ESD: variants seen among roughly 807,000 people sequenced by gnomAD.
The protein encoded by ESD is S-formylglutathione hydrolase.
In ESD, 34 loss-of-function variants were observed where a neutral mutation model predicts 38.1. That is an observed-to-expected ratio of 0.89 (90% CI 0.68 to 1.19). ESD has a LOEUF of 1.19. Among genes scored for constraint, ESD ranks in the 50% most tolerant of loss-of-function variants. The pLI is 0.00. For missense variants in ESD, 334 were observed against 327.2 expected (o/e 1.02, Z -0.16); for synonymous variants, 97 against 107.0 (o/e 0.91, Z 0.58).
intron 2 of ESD, 103 bp from the exon 3 acceptor site, chr13:46,791,523 T>C: frequency 1.2e-6 from 1 of 805,496 alleles, no homozygotes; most frequent in Non-Finnish European, 2.0e-6. Context: ...CATACAACTA[T>C]TTTCTACTTA....
At chr13:46,781,253 T>G (rs1016044105) in intron 7 of ESD, among the ~76,000 whole-genome samples, 29 of 151,848 alleles carry the variant, frequency 1.9e-4, no homozygotes, top group African/African-American at 7.0e-4. Flanking sequence ...AAGGAGAAGC[T>G]ACATTTTATA....
intron 3 of ESD, among the ~76,000 whole-genome samples, chr13:46,787,798 T>C (rs1192464176): frequency 6.6e-6 from 1 of 151,900 alleles, no homozygotes; most frequent in Admixed American, 6.6e-5. Context: ...AAAAACTAAA[T>C]ATATATAAAA....
intron 3 of ESD, among the ~76,000 whole-genome samples, chr13:46,788,673 C>CAAAAAAAAAAAA (rs10599927): frequency 2.4e-5 from 2 of 82,404 alleles, no homozygotes; most frequent in African/African-American, 3.4e-5. Context: ...TATGTAAAAG[C>CAAAAAAAAAAAA]AAAAAAAAAA....
Position 46,789,702 on chromosome 13 carries a change from T to C in ESD, c.68+1644A>G, listed in dbSNP as rs565001970. ...TCTAATTTTGTTGTCCTTTCTGATT[T>C]ATCACTTTTATCTTATTTTACTTTC... is the stretch of plus-strand genomic sequence containing the variant. On this transcript the variant is annotated intron_variant, in intron 3 of 9. Transcript: ENST00000378720. Among the ~76,000 whole-genome samples, 4 of 152,280 alleles carry C rather than the reference T, an allele frequency of 2.6e-5. No homozygotes were observed. In the East Asian group the frequency reaches 5.8e-4, roughly 22 times the overall value.
intron 7 of ESD, among the ~76,000 whole-genome samples, chr13:46,780,501 A>C (rs747429072): frequency 7.3e-5 from 11 of 151,672 alleles, no homozygotes; most frequent in Non-Finnish European, 1.5e-4. Context: ...GTTCTATACA[A>C]TGTTCTTTTT....
At chr13:46,783,374 C>T (rs1185770564) in intron 5 of ESD, among the ~76,000 whole-genome samples, 1 of 151,874 alleles carries the variant, frequency 6.6e-6, no homozygotes, top group Non-Finnish European at 1.5e-5. Flanking sequence ...ATTTTATATA[C>T]TTGCATGTGG....
chr13:46,772,913 T>C (rs1467211756), intron 9 of ESD, among the ~76,000 whole-genome samples: 1 of 152,160 alleles, frequency 6.6e-6, no homozygotes, highest in Non-Finnish European at 1.5e-5. Flanking sequence ...CTCGATCTCC[T>C]GACCTTGTGA....
intron 9 of ESD, chr13:46,777,175 T>C (rs991820684): frequency 2.8e-5 from 6 of 217,088 alleles, no homozygotes; most frequent in Non-Finnish European, 5.5e-5. Flanking sequence ...TATCTGCTAA[T>C]GCTGAAGATT....
chr13:46,778,636 C>A (rs1874888734), intron 8 of ESD, among the ~76,000 whole-genome samples: 1 of 151,890 alleles, frequency 6.6e-6, no homozygotes, highest in South Asian at 2.1e-4. Context: ...AGACCATAAG[C>A]CCCTGGTGGA....
intron 9 of ESD, among the ~76,000 whole-genome samples, chr13:46,774,640 G>A (rs977527317): frequency 1.3e-5 from 2 of 152,098 alleles, no homozygotes; most frequent in Non-Finnish European, 2.9e-5. Context: ...TCTTCACTCA[G>A]CTCTCAAAAA....
chr13:46,781,713 T>C (rs1450301073), intron 6 of ESD, 98 bp from the exon 7 acceptor site: 2 of 1,110,530 alleles, frequency 1.8e-6, no homozygotes, highest in Non-Finnish European at 2.7e-6. Context: ...TACTGCCAAA[T>C]CATAGTCTTA....
rs996276593 is a variant in ESD at position 46,777,458 on chromosome 13, CTTG to C, written c.763_765del (p.Gln255del). 3 of 1,602,168 alleles carry C rather than the reference CTTG, an allele frequency of 1.9e-6. No homozygotes were observed. The highest frequency in any genetic ancestry group is 2.6e-6 in the Non-Finnish European group (3 of 1,172,744). On this transcript the variant is annotated inframe_deletion, in exon 9 of 10. Coordinates refer to ENST00000378720, the MANE Select transcript of ESD (RefSeq NM_001984.2). The stretch of plus-strand genomic sequence containing the variant: ...AGCTAAAGTTTCCTAATACTTGCCT[CTTG>C]CAATCGAAAAACAACGGGGATTTTC...
At chr13:46,792,305 T>C (rs1230670616) in intron 2 of ESD, among the ~76,000 whole-genome samples, 2 of 152,016 alleles carry the variant, frequency 1.3e-5, no homozygotes, top group Non-Finnish European at 2.9e-5. Flanking sequence ...GCTTTAGATA[T>C]CAGGAACAGG....
At chr13:46,772,714 G>C (rs182299195) in intron 9 of ESD, among the ~76,000 whole-genome samples, 5 of 150,760 alleles carry the variant, frequency 3.3e-5, no homozygotes, top group African/African-American at 9.8e-5. Context: ...TTTTTGAGAC[G>C]GAGTCTCACT....
chr13:46,782,803 C>T lies in ESD; in HGVS notation c.257-12G>A. On this transcript the variant is annotated splice_polypyrimidine_tract_variant and intron_variant, in intron 5 of 9. Transcript: ENST00000378720. ...AATATTGCAGCCACCTATCAAGAAA[C>T]AATCTTGTGGTTTCATCTGCTCTGT... The T allele has an allele frequency of 1.9e-6, 3 of 1,611,514 alleles. No individual in the cohort carries two copies. The highest frequency in any genetic ancestry group is 2.5e-6 in the Non-Finnish European group (3 of 1,178,474).
rs147452850 is a variant in ESD at position 46,784,267 on chromosome 13, G to A, written c.241C>T (p.Pro81Ser). ...AAACACTTACGAGGGCTGGTATCTG[G>A]AGCAATGACAACAAGACCATGTTCT... ...ASEHGLVVIA[P>S]DTSPRGCNIK... The change falls in exon 5 of 10, where the codon CCA (proline) becomes TCA (serine). Residue 81 changes from proline (P) to serine (S), a missense_variant. Coordinates refer to ENST00000378720, the MANE Select transcript of ESD (RefSeq NM_001984.2). The A allele has an allele frequency of 2.5e-6, 4 of 1,611,546 alleles. No individual in the cohort carries two copies. Among genetic ancestry groups the A allele is most frequent in the Middle Eastern group, 1.7e-4 (1 of 6,044 alleles).
Position 46,781,550 on chromosome 13 carries a change from G to A in ESD, c.447C>T (p.Ser149=). Residue 149 remains serine, a synonymous_variant, in exon 7 of 10, where the codon TCC becomes TCT. Coordinates refer to ENST00000378720, the MANE Select transcript of ESD (RefSeq NM_001984.2). ...DPQRMSIFGH[S]MGGHGALICA... is the part of the protein sequence containing the mutation. ...AGATCAGAGCTCCATGACCTCCCAT[G>A]GAGTGGCCAAAAATAGACATCCTTT... 1 of 1,608,708 alleles carries A rather than the reference G, an allele frequency of 6.2e-7. No individual in the cohort carries two copies. The highest frequency in any genetic ancestry group is 1.1e-5 in the South Asian group (1 of 90,832).
intron 3 of ESD, among the ~76,000 whole-genome samples, chr13:46,790,008 A>ATT (rs544499790): frequency 0.06 from 8,131 of 135,902 alleles, 688 homozygotes; most frequent in African/African-American, 0.18. Flanking sequence ...ATATATATAT[A>ATT]TTTTTTTTTT....
chr13:46,796,711 T>C (rs1191018317), intron 1 of ESD, among the ~76,000 whole-genome samples: 3 of 152,220 alleles, frequency 2.0e-5, no homozygotes, highest in Non-Finnish European at 4.4e-5. Context: ...CGGCGGCCGC[T>C]AGTAACGCGT....
Sources: allele counts gnomAD v4.1 joint callset (sites outside exome capture counted in the v4.1 genomes callset), GRCh38; gene constraint gnomAD v4.1.1; transcripts MANE v1.5; gene names NCBI Gene and HGNC (gene_info 2026-07-23, HGNC 2026-07-21).